MKRN1: variants seen among roughly 807,000 people sequenced by gnomAD.
MKRN1 encodes makorin ring finger protein 1, also known as E3 ubiquitin-protein ligase makorin-1.
A neutral mutation model predicts 55.5 loss-of-function variants in MKRN1; 9 were observed. The ratio of observed to expected loss-of-function variants is 0.16; its 90% confidence interval spans 0.10 to 0.28. MKRN1 has a LOEUF of 0.28. Ranked by LOEUF, MKRN1 falls within the 10% of genes least tolerant of loss-of-function variation. The pLI, the probability that MKRN1 is intolerant of heterozygous loss-of-function variation, is 1.00. For synonymous variants in MKRN1, 253 were observed against 235.9 expected (o/e 1.07, Z -0.66); for missense variants, 488 against 626.7 (o/e 0.78, Z 2.36).
At chr7:140,473,313 G>C in intron 1 of MKRN1, 1 of 439,666 alleles carries the variant, frequency 2.3e-6, no homozygotes, top group Non-Finnish European at 4.5e-6. Context: ...CCACTGTGCA[G>C]ACTCTGTCTC....
chr7:140,455,066 C>T, intron 7 of MKRN1, 29 bp downstream of exon 7: 1 of 1,611,422 alleles, frequency 6.2e-7, no homozygotes, highest in Non-Finnish European at 8.5e-7. Flanking sequence ...TTGGAATTTC[C>T]CCTCCTTTAA....
In MKRN1 at chr7:140,459,188, T is replaced by C; in HGVS notation, c.590A>G (p.Lys197Arg). The part of the protein sequence containing the change: ...TEAPLQGSVT[K>R]EESEKEQTAV... ...GGTTTGCTCTTTCTCTGATTCTTCC[T>C]TGGTCACTGAGCCCTGCAGGGGTGC... The change falls in exon 4 of 8, where the codon AAG becomes AGG. Residue 197 changes from lysine (K) to arginine (R), a missense_variant. Lys to Arg is a conservative substitution (Grantham distance 26). Coordinates refer to ENST00000255977, the MANE Select transcript of MKRN1 (RefSeq NM_013446.4). 1.9e-6 allele frequency: 3 copies of C among 1,613,948 alleles called. No individual in the cohort carries two copies. Among genetic ancestry groups the C allele is most frequent in the South Asian group, 1.1e-5 (1 of 91,070 alleles).
At chr7:140,473,130 T>TA in intron 1 of MKRN1, 1 of 369,350 alleles carries the variant, frequency 2.7e-6, no homozygotes, top group Non-Finnish European at 5.2e-6. Flanking sequence ...GAAAAAAAGA[T>TA]ATAGTCTACG....
chr7:140,474,108 T>G (rs1377216321), intron 1 of MKRN1, among the ~76,000 whole-genome samples: 2 of 151,066 alleles, frequency 1.3e-5, no homozygotes, highest in African/African-American at 4.9e-5. Context: ...ACACCTACAA[T>G]CCCAGCACTT....
rs1266861984 is a variant in MKRN1, at chr7:140,476,128, C to CTA, written c.185+3030_185+3031dup. Reference sequence around the variant, plus strand: ...AATTCCTAGATACAGGAGTGATGTGCTATAGGGAGAAATGAGCACAAACAC... The same window carrying CTA: ...AATTCCTAGATACAGGAGTGATGTGCTATATAGGGAGAAATGAGCACAAACAC... On this transcript the variant is annotated intron_variant, in intron 1 of 7. Transcript: ENST00000255977. Among the ~76,000 whole-genome samples, 17 of 152,206 alleles carry CTA rather than the reference C, an allele frequency of 1.1e-4. No homozygotes were observed. In the South Asian group the frequency reaches 1.2e-3, roughly 11 times the overall value.
intron 2 of MKRN1, among the ~76,000 whole-genome samples, chr7:140,464,508 G>A (rs1794716117): frequency 1.3e-5 from 2 of 152,100 alleles, no homozygotes; most frequent in African/African-American, 4.8e-5. Context: ...TTCCAGACCA[G>A]CCTGATCAAC....
At chr7:140,477,307 C>T (rs1795152444) in intron 1 of MKRN1, among the ~76,000 whole-genome samples, 1 of 143,208 alleles carries the variant, frequency 7.0e-6, no homozygotes, top group African/African-American at 3.0e-5. Flanking sequence ...AATCTAAGCT[C>T]TTTCTTTTCT....
At chr7:140,461,365 T>C (rs1268147367) in intron 2 of MKRN1, among the ~76,000 whole-genome samples, 1 of 152,178 alleles carries the variant, frequency 6.6e-6, no homozygotes, top group Non-Finnish European at 1.5e-5. Flanking sequence ...CTTTCTGGCC[T>C]GGTGCGGTGG....
chr7:140,468,870 C>G (rs1048494605), intron 2 of MKRN1, among the ~76,000 whole-genome samples: 1 of 151,710 alleles, frequency 6.6e-6, no homozygotes. Context: ...AACTTCTACA[C>G]AGTCATTTGA....
intron 1 of MKRN1, among the ~76,000 whole-genome samples, chr7:140,474,065 GAATA>G (rs1340320765): frequency 7.2e-6 from 1 of 139,360 alleles, no homozygotes; most frequent in Non-Finnish European, 1.6e-5. Flanking sequence ...AAGAAAGAAA[GAATA>G]AAAGACTGTA....
chr7:140,471,868 T>A lies in MKRN1; in HGVS notation c.314+15A>T. 1 of 1,611,068 alleles carries A rather than the reference T, an allele frequency of 6.2e-7. No homozygotes were observed. The highest frequency in any genetic ancestry group is 8.5e-7 in the Non-Finnish European group (1 of 1,179,082). Reference sequence around the variant, plus strand: ...TCCAACCCACCCCTGAACAAATTTATAAACAAATTCTTACCTGCAGCGGTC... The same window carrying A: ...TCCAACCCACCCCTGAACAAATTTAAAAACAAATTCTTACCTGCAGCGGTC... On this transcript the variant is annotated intron_variant, in intron 2 of 7. Coordinates refer to ENST00000255977, the MANE Select transcript of MKRN1 (RefSeq NM_013446.4).
chr7:140,460,002 T>C (rs1225672999), intron 2 of MKRN1, 66 bp from the exon 3 acceptor site: 6 of 1,340,756 alleles, frequency 4.5e-6, no homozygotes, highest in Non-Finnish European at 6.3e-6. Context: ...ATCCCAACAG[T>C]TTGGGAAGCT....
At chr7:140,474,480 G>A in intron 1 of MKRN1, 1 of 316,434 alleles carries the variant, frequency 3.2e-6, no homozygotes, top group South Asian at 2.3e-5. Flanking sequence ...TCACGCCACT[G>A]AGACTCCGTC....
intron 2 of MKRN1, among the ~76,000 whole-genome samples, chr7:140,466,810 CAAAAA>C (rs563645827): frequency 1.5e-4 from 13 of 87,192 alleles, no homozygotes; most frequent in African/African-American, 6.7e-4. Context: ...GACTCCGTCT[CAAAAA>C]AAAAAAAAAA....
At chr7:140,465,102 C>A (rs1284303371) in intron 2 of MKRN1, among the ~76,000 whole-genome samples, 4 of 152,206 alleles carry the variant, frequency 2.6e-5, no homozygotes, top group Admixed American at 2.6e-4. Flanking sequence ...AACCCTTTCC[C>A]TGGTTGGTTT....
At chr7:140,455,968 C>A in intron 5 of MKRN1, 68 bp from the exon 6 acceptor site, 16 of 1,352,590 alleles carry the variant, frequency 1.2e-5, no homozygotes, top group African/African-American at 2.9e-5. Context: ...AGGACACACC[C>A]TGGTGTGTCG....
At chr7:140,468,074 CTCCATCTACACAG>C (rs1471215154) in intron 2 of MKRN1, among the ~76,000 whole-genome samples, 1 of 150,778 alleles carries the variant, frequency 6.6e-6, no homozygotes, top group Middle Eastern at 3.2e-3. Flanking sequence ...TTTTCATTCA[CTCCATCTACACAG>C]TCCATTCAGA....
At chr7:140,468,603 A>G (rs1794835536) in intron 2 of MKRN1, among the ~76,000 whole-genome samples, 1 of 147,842 alleles carries the variant, frequency 6.8e-6, no homozygotes, top group Non-Finnish European at 1.5e-5. Context: ...CCGGAGGTTG[A>G]GGCAGGAGAA....
rs1794389395 is a variant in MKRN1, at chr7:140,453,497, T to C, written c.*1020A>G. The C allele has an allele frequency of 1.3e-5, 2 of 152,586 alleles. No homozygotes were observed. The highest frequency in any genetic ancestry group is 6.8e-3 in the Middle Eastern group (2 of 294). 9.5% of individuals were successfully genotyped at this position (152,586 alleles called of 1,614,324 possible). A position where few individuals can be genotyped will look rare whatever the true frequency, so the allele number is the denominator to read the frequency against. On this transcript the variant is annotated 3_prime_UTR_variant, in exon 8 of 8. Transcript: ENST00000255977. The stretch of plus-strand genomic sequence containing the variant: ...AAAATGCCTCAAGTGAGGACAAAGG[T>C]TTCTCAGAAAGTGCCTGTACTGGAA...
Sources: allele counts gnomAD v4.1 joint callset (sites outside exome capture counted in the v4.1 genomes callset), GRCh38; gene constraint gnomAD v4.1.1; transcripts MANE v1.5; gene names NCBI Gene and HGNC (gene_info 2026-07-23, HGNC 2026-07-21).